NT5C2: variants seen among roughly 807,000 people sequenced by gnomAD.
NT5C2 encodes cytosolic purine 5'-nucleotidase.
NT5C2 carries 58 observed loss-of-function variants against 76.1 expected under a neutral mutation model. That is an observed-to-expected ratio of 0.76 (90% CI 0.62 to 0.95). The LOEUF is 0.95. NT5C2 is among the 40% of genes least tolerant of loss of function. The pLI is 0.00. For synonymous variants in NT5C2, 229 were observed against 237.4 expected (o/e 0.96, Z 0.32); for missense variants, 478 against 690.3 (o/e 0.69, Z 3.45).
At chr10:103,105,824 T>C (rs1376732546) in intron 5 of NT5C2, 23 bp from the exon 6 acceptor site, 12 of 1,511,144 alleles carry the variant, frequency 7.9e-6, no homozygotes, top group African/African-American at 6.9e-5. Flanking sequence ...GAAGACATTA[T>C]TGATAATGCA....
chr10:103,127,223 A>G (rs1358137164), intron 4 of NT5C2, among the ~76,000 whole-genome samples: 1 of 152,356 alleles, frequency 6.6e-6, no homozygotes, highest in South Asian at 2.1e-4. Context: ...GGAGCTAAAT[A>G]CAAATACTGG....
intron 2 of NT5C2, among the ~76,000 whole-genome samples, chr10:103,178,614 C>T (rs1352444926): frequency 1.3e-5 from 2 of 151,940 alleles, no homozygotes; most frequent in Non-Finnish European, 2.9e-5. Context: ...GGGTGGATCA[C>T]GAGGTCAAGA....
chr10:103,168,666 G>A (rs1185817132), intron 3 of NT5C2, among the ~76,000 whole-genome samples: 2 of 152,098 alleles, frequency 1.3e-5, no homozygotes, highest in African/African-American at 2.4e-5. Flanking sequence ...CAACCATAAG[G>A]AAATGAAGAA....
intron 4 of NT5C2, among the ~76,000 whole-genome samples, chr10:103,115,343 A>G (rs1247867300): frequency 6.6e-6 from 1 of 152,198 alleles, no homozygotes; most frequent in East Asian, 1.9e-4. Context: ...CGGAGGTTGC[A>G]GTGAGTCGAG....
chr10:103,105,990 T>G (rs113817663), intron 5 of NT5C2, among the ~76,000 whole-genome samples, 189 bp from the exon 6 acceptor site: 21 of 152,306 alleles, frequency 1.4e-4, no homozygotes, highest in Admixed American at 7.2e-4. Context: ...AAATATTGAC[T>G]CCGTCCAGAC....
chr10:103,097,700 G>C (rs2068542502), intron 10 of NT5C2, among the ~76,000 whole-genome samples: 1 of 152,190 alleles, frequency 6.6e-6, no homozygotes, highest in African/African-American at 2.4e-5. Flanking sequence ...GAGATTTCTT[G>C]AAGTATGTGA....
intron 12 of NT5C2, among the ~76,000 whole-genome samples, chr10:103,095,194 G>T (rs1282554212): frequency 2.0e-5 from 3 of 152,140 alleles, no homozygotes; most frequent in Admixed American, 2.0e-4. Context: ...TACATTCTCA[G>T]AATGATGGCT....
In NT5C2 at chr10:103,109,282, G is replaced by A. The variant is rs1036127257; in HGVS notation, c.176-2576C>T. ...CCTAAATCTATATGATGTACACTGT[G>A]GATAAAAAAATAAAGTGCTATATAC... On this transcript the variant is annotated intron_variant, in intron 4 of 18. Transcript: ENST00000404739. Among the ~76,000 whole-genome samples, 4 of 152,048 alleles carry A rather than the reference G, an allele frequency of 2.6e-5. No individual in the cohort carries two copies. In the South Asian group the frequency reaches 6.2e-4, roughly 24 times the overall value.
intron 3 of NT5C2, among the ~76,000 whole-genome samples, chr10:103,143,886 T>G (rs1390200651): frequency 6.6e-6 from 1 of 151,780 alleles, no homozygotes; most frequent in African/African-American, 2.4e-5. Flanking sequence ...GCCCAAGAGG[T>G]CAAGGCTGCA....
At chr10:103,093,742 A>AT (rs201463042) in intron 14 of NT5C2, 91 of 491,576 alleles carry the variant, frequency 1.9e-4, no homozygotes, top group Middle Eastern at 5.3e-4. Flanking sequence ...CTCCAATAGG[A>AT]TTTAAAAAAA....
Position 103,089,689 on chromosome 10 carries a change from C to G in NT5C2, c.1669G>C (p.Glu557Gln). ...TTTCCTCCTTATTCTTCCTCCTCCT[C>G]CTCCTCTTCATCATCATCTTCGTCA... ...CHDEDDDEEE[E>Q]EEEE Residue 557 changes from glutamate (E) to glutamine (Q), a missense_variant, in exon 19 of 19, where the codon GAG (glutamate) becomes CAG (glutamine). By Grantham distance (29) the Glu-to-Gln change is conservative. Transcript: ENST00000404739. 1 of 1,607,764 alleles carries G rather than the reference C, an allele frequency of 6.2e-7. No individual in the cohort carries two copies. Among genetic ancestry groups the G allele is most frequent in the Non-Finnish European group, 8.5e-7 (1 of 1,176,896 alleles).
intron 4 of NT5C2, among the ~76,000 whole-genome samples, chr10:103,117,274 G>A (rs977873903): frequency 6.6e-6 from 1 of 152,194 alleles, no homozygotes; most frequent in Non-Finnish European, 1.5e-5. Flanking sequence ...ACTGTATTAT[G>A]AGATATGAGT....
intron 4 of NT5C2, among the ~76,000 whole-genome samples, chr10:103,131,771 A>G (rs781724687): frequency 2.0e-5 from 3 of 152,012 alleles, no homozygotes; most frequent in Non-Finnish European, 4.4e-5. Flanking sequence ...ACAATGAAAA[A>G]GTTATCTGGG....
intron 3 of NT5C2, among the ~76,000 whole-genome samples, chr10:103,155,321 C>CTAAG (rs2083150113): frequency 6.6e-6 from 1 of 152,174 alleles, no homozygotes; most frequent in South Asian, 2.1e-4. Flanking sequence ...TGACACTGTG[C>CTAAG]TAAGCTCTTT....
At chr10:103,152,838 A>C (rs1016750148) in intron 3 of NT5C2, among the ~76,000 whole-genome samples, 20 of 151,828 alleles carry the variant, frequency 1.3e-4, no homozygotes, top group East Asian at 1.9e-4. Context: ...TTCTACTCTA[A>C]ATTATTTTTT....
At chr10:103,090,079 C>T (rs923143080) in intron 18 of NT5C2, 171 bp from the exon 19 acceptor site, 4 of 502,590 alleles carry the variant, frequency 8.0e-6, no homozygotes, top group Non-Finnish European at 1.4e-5. Flanking sequence ...GCCTGTCTTC[C>T]TCTCTCCCTG....
At chr10:103,116,097 G>A (rs2074270892) in intron 4 of NT5C2, among the ~76,000 whole-genome samples, 1 of 151,974 alleles carries the variant, frequency 6.6e-6, no homozygotes, top group Non-Finnish European at 1.5e-5. Flanking sequence ...GAAATGAAAA[G>A]ACTAAAGGAC....
At chr10:103,132,481 A>G (rs1446419037) in intron 4 of NT5C2, among the ~76,000 whole-genome samples, 1 of 152,182 alleles carries the variant, frequency 6.6e-6, no homozygotes, top group Non-Finnish European at 1.5e-5. Flanking sequence ...GCAAGATGTT[A>G]CCATAGGAGA....
intron 16 of NT5C2, 42 bp downstream of exon 16, chr10:103,091,522 T>G: frequency 2.1e-6 from 3 of 1,444,142 alleles, no homozygotes; most frequent in Non-Finnish European, 1.9e-6. Flanking sequence ...TCTAAGTGAT[T>G]CCTGAGTAAG....
Sources: gnomAD v4.1 joint callset for allele counts (sites outside exome capture counted in the v4.1 genomes callset) on GRCh38, gnomAD v4.1.1 for gene constraint, MANE v1.5 for transcripts, NCBI Gene and HGNC (gene_info 2026-07-23, HGNC 2026-07-21) for gene names.